The following TRPM3 variants were observed in gnomAD, a reference collection of about 807,000 sequenced individuals.
The protein encoded by TRPM3 is long transient receptor potential channel 3.
In TRPM3, 77 loss-of-function variants were observed where a neutral mutation model predicts 181.2. The observed-to-expected ratio is 0.42, with a 90% CI of 0.35 to 0.51. The LOEUF (loss-of-function observed/expected upper bound fraction) is 0.51, where lower values mean the gene tolerates loss of function less well. TRPM3 is among the 20% of genes least tolerant of loss of function. The pLI is 0.01. For synonymous variants in TRPM3, 745 were observed against 796.4 expected, an observed-to-expected ratio of 0.94 and a Z score of 1.09; for missense variants, 1,759 against 2,196.7, an observed-to-expected ratio of 0.80 and a Z score of 3.98.
intron 1 of TRPM3, among the ~76,000 whole-genome samples, chr9:71,394,581 AT>A (rs2093144667): frequency 1.3e-5 from 2 of 152,054 alleles, no homozygotes; most frequent in African/African-American, 4.8e-5. Flanking sequence ...CCATTCCCAG[AT>A]TTTTCTTGAA....
chr9:71,040,436 T>C (rs1244846429), intron 1 of TRPM3, among the ~76,000 whole-genome samples: 3 of 152,204 alleles, frequency 2.0e-5, no homozygotes, highest in African/African-American at 4.8e-5. Flanking sequence ...ATGTCAGAGA[T>C]ATTTTCTCAT....
intron 9 of TRPM3, among the ~76,000 whole-genome samples, chr9:70,668,219 G>A (rs112096539): frequency 1.6e-4 from 24 of 152,210 alleles, no homozygotes; most frequent in East Asian, 3.9e-4. Context: ...CTGGGTTCAC[G>A]TATAGATTCC....
chr9:71,374,486 T>C (rs191323846), intron 1 of TRPM3, among the ~76,000 whole-genome samples: 1 of 152,176 alleles, frequency 6.6e-6, no homozygotes, highest in East Asian at 1.9e-4. Context: ...CCATGGCCAA[T>C]ATCCTACTGA....
At chr9:71,021,473 G>T (rs2134509025) in intron 1 of TRPM3, among the ~76,000 whole-genome samples, 1 of 152,226 alleles carries the variant, frequency 6.6e-6, no homozygotes, top group African/African-American at 2.4e-5. Context: ...TTTTAACTTG[G>T]TATTAGGAAC....
Position 71,409,089 on chromosome 9 carries a change from A to G in TRPM3, c.183+37564T>C, listed in dbSNP as rs2093492840. On this transcript the variant is annotated intron_variant, in intron 1 of 24. Coordinates refer to the TRPM3 transcript ENST00000357533. ...ATTTTGTCACCACCAGGCATGCCCTATAAGAGCTCTTGAAGGAAGCACTAA... is the reference window on the plus strand; with the variant it reads ...ATTTTGTCACCACCAGGCATGCCCTGTAAGAGCTCTTGAAGGAAGCACTAA... Among the ~76,000 whole-genome samples the G allele has an allele frequency of 2.6e-5, 4 of 152,194 alleles. No individual in the cohort carries two copies. In the South Asian group the frequency reaches 6.2e-4, roughly 24 times the overall value.
chr9:70,929,821 ATCC>A (rs1374006331), intron 1 of TRPM3, among the ~76,000 whole-genome samples: 3 of 152,196 alleles, frequency 2.0e-5, no homozygotes, highest in African/African-American at 2.4e-5. Flanking sequence ...CACTTTTGCT[ATCC>A]TCCTCCTTAC....
At chr9:71,428,219 G>A (rs7034694) in intron 1 of TRPM3, among the ~76,000 whole-genome samples, 22,793 of 150,434 alleles carry the variant, frequency 0.15, 2,092 homozygotes, top group African/African-American at 0.26. Context: ...AACCTCCCAA[G>A]TGGCTGGGAT....
At chr9:70,556,170 C>T (rs1181705156) in intron 22 of TRPM3, among the ~76,000 whole-genome samples, 16 of 151,766 alleles carry the variant, frequency 1.1e-4, no homozygotes, top group Admixed American at 1.0e-3. Context: ...CAGGTCTCTG[C>T]TGAGTTCCTC....
chr9:70,895,291 T>C (rs2096266434), intron 1 of TRPM3, among the ~76,000 whole-genome samples: 1 of 152,188 alleles, frequency 6.6e-6, no homozygotes, highest in South Asian at 2.1e-4. Context: ...TTAAAATTCT[T>C]AATATTTTCT....
At chr9:70,962,315 T>C (rs2097144123) in intron 1 of TRPM3, among the ~76,000 whole-genome samples, 1 of 152,026 alleles carries the variant, frequency 6.6e-6, no homozygotes, top group South Asian at 2.1e-4. Flanking sequence ...GATGATAATC[T>C]TCCCTAAAGG....
intron 1 of TRPM3, among the ~76,000 whole-genome samples, chr9:71,258,073 T>C (rs374598534): frequency 6.6e-6 from 1 of 151,992 alleles, no homozygotes; most frequent in Non-Finnish European, 1.5e-5. Context: ...TTTCTAAGAG[T>C]GGATAAAAGG....
At chr9:71,319,765 A>G (rs973938859) in intron 1 of TRPM3, among the ~76,000 whole-genome samples, 2 of 152,116 alleles carry the variant, frequency 1.3e-5, no homozygotes, top group Admixed American at 6.6e-5. Context: ...AAATCCCACT[A>G]CTTTGGCAAC....
intron 8 of TRPM3, among the ~76,000 whole-genome samples, chr9:70,742,469 G>GA (rs34129285): frequency 0.22 from 33,328 of 151,976 alleles, 4,486 homozygotes; most frequent in Non-Finnish European, 0.3. Flanking sequence ...CTAGCTGTTT[G>GA]AACTATGTGT....
intron 1 of TRPM3, among the ~76,000 whole-genome samples, chr9:71,014,992 A>AT (rs912288220): frequency 3.4e-4 from 51 of 151,184 alleles, no homozygotes; most frequent in African/African-American, 1.2e-3. Flanking sequence ...TTTTTTCAGT[A>AT]TTTTTCTTTG....
At chr9:70,949,239 G>T (rs926643834) in intron 1 of TRPM3, among the ~76,000 whole-genome samples, 6 of 151,922 alleles carry the variant, frequency 3.9e-5, no homozygotes, top group African/African-American at 1.5e-4. Flanking sequence ...ATAATTTTTA[G>T]TAGAGATGAG....
At chr9:71,330,178 A>G (rs1471866828) in intron 1 of TRPM3, among the ~76,000 whole-genome samples, 1 of 151,828 alleles carries the variant, frequency 6.6e-6, no homozygotes, top group East Asian at 1.9e-4. Context: ...CACACACAGG[A>G]ACATCTCCCT....
chr9:71,303,631 G>GAATTTAC (rs757785458), intron 1 of TRPM3, among the ~76,000 whole-genome samples: 1 of 152,110 alleles, frequency 6.6e-6, no homozygotes, highest in Non-Finnish European at 1.5e-5. Context: ...AGGGACAGAG[G>GAATTTAC]AGAGAAATCC....
At chr9:71,162,199 C>CAAAAA (rs35947110) in intron 1 of TRPM3, among the ~76,000 whole-genome samples, 5 of 74,242 alleles carry the variant, frequency 6.7e-5, no homozygotes, top group East Asian at 8.5e-4. Context: ...GACTCTGTCT[C>CAAAAA]AAAAAAAAAA....
intron 6 of TRPM3, 77 bp from the exon 7 acceptor site, chr9:70,784,356 A>G (rs1225453484): frequency 1.4e-5 from 20 of 1,441,532 alleles, no homozygotes; most frequent in Non-Finnish European, 1.8e-5. Context: ...ACAAAAAGAG[A>G]AACAAAAAGC....
Sources: allele counts gnomAD v4.1 joint callset (sites outside exome capture counted in the v4.1 genomes callset), GRCh38; gene constraint gnomAD v4.1.1; transcripts MANE v1.5; gene names NCBI Gene and HGNC (gene_info 2026-07-23, HGNC 2026-07-21).